ALYREF: variants seen among roughly 807,000 people sequenced by gnomAD.
ALYREF encodes THO complex subunit 4.
In ALYREF, 1 loss-of-function variant was observed where a neutral mutation model predicts 25.2. That is an observed-to-expected ratio of 0.04 (90% CI 0.01 to 0.19). The LOEUF is 0.19. Ranked by LOEUF, ALYREF falls within the 10% of genes least tolerant of loss-of-function variation. The probability of loss-of-function intolerance (pLI) is 1.00; values close to 1 mark genes in which losing one functional copy is unlikely to be tolerated. For missense variants in ALYREF, 328 were observed against 375.6 expected, an observed-to-expected ratio of 0.87 and a Z score of 1.05; for synonymous variants, 193 against 153.5, an observed-to-expected ratio of 1.26 and a Z score of -1.90.
Position 81,888,186 on chromosome 17 carries a change from C to T in ALYREF, c.781-41G>A, listed in dbSNP as rs200225493. On this transcript the variant is annotated intron_variant, in intron 5 of 5. Coordinates refer to ENST00000505490, the MANE Select transcript of ALYREF (RefSeq NM_005782.4). This position sits in a 1 kb window ranked among gnomAD's most constrained non-coding sequence, Gnocchi z 5.8. ...GAAAGAGGCTTGCATTCACAGGCGG[C>T]CTGCTCCCCACTGCGGCTTTGACCA... The T allele has an allele frequency of 1.2e-5, 19 of 1,614,102 alleles. No individual in the cohort carries two copies. The highest frequency in any genetic ancestry group is 5.3e-5 in the African/African-American group (4 of 75,044).
At chr17:81,889,480 C>A in intron 2 of ALYREF, 151 bp from the exon 3 acceptor site, 1 of 855,864 alleles carries the variant, frequency 1.2e-6, no homozygotes, top group Non-Finnish European at 1.8e-6. Context: ...AAGGGCGGGG[C>A]AGGAGGGACA....
In ALYREF at chr17:81,888,887, C is replaced by G. The variant is rs919509602; in HGVS notation, c.538+295G>C. The G allele has an allele frequency of 1.4e-6, 2 of 1,405,986 alleles. No individual in the cohort carries two copies. The highest frequency in any genetic ancestry group is 1.4e-5 in the African/African-American group (1 of 69,228). 87.1% of individuals were successfully genotyped at this position (1,405,986 alleles called of 1,614,324 possible). A position where few individuals can be genotyped will look rare whatever the true frequency, so the allele number is the denominator to read the frequency against. On this transcript the variant is annotated intron_variant, in intron 3 of 5. Coordinates refer to ENST00000505490, the MANE Select transcript of ALYREF (RefSeq NM_005782.4). This position sits in a 1 kb window ranked among gnomAD's most constrained non-coding sequence, Gnocchi z 5.8. ...AGAAGAACCGGTACCTTTGTCTTTA[C>G]GACTACAGCCCCGCACTCAGAGGTG...
rs1474359925 is a variant in ALYREF at position 81,888,183 on chromosome 17, C to A, written c.781-38G>T. The A allele has an allele frequency of 6.2e-7, 1 of 1,614,076 alleles. No individual in the cohort carries two copies. Among genetic ancestry groups the A allele is most frequent in the Non-Finnish European group, 8.5e-7 (1 of 1,180,014 alleles). ...GGAGAAAGAGGCTTGCATTCACAGG[C>A]GGCCTGCTCCCCACTGCGGCTTTGA... On this transcript the variant is annotated intron_variant, in intron 5 of 5. Transcript: ENST00000505490. The surrounding 1 kb of genome is among the most constrained non-coding windows in gnomAD (Gnocchi z 5.8).
At chr17:81,889,576 C>G (rs1598290946) in intron 2 of ALYREF, among the ~76,000 whole-genome samples, 1 of 152,344 alleles carries the variant, frequency 6.6e-6, no homozygotes, top group Admixed American at 6.5e-5. Flanking sequence ...GAGGAAGCTG[C>G]AAAGCCCACT....
rs868783531 is a variant in ALYREF at position 81,891,010 on chromosome 17, C to T, written c.259-190G>A. ...GCACGGTCCCACCGCGGCCGCACAA[C>T]TTCAGTTCCCTTAGACTAACTTCCC... On this transcript the variant is annotated intron_variant, in intron 1 of 5. Transcript: ENST00000505490. The T allele has an allele frequency of 7.1e-6, 6 of 849,196 alleles. No homozygotes were observed. In the South Asian group the frequency reaches 8.8e-5, roughly 13 times the overall value. 52.6% of individuals were successfully genotyped at this position (849,196 alleles called of 1,614,324 possible). A position where few individuals can be genotyped will look rare whatever the true frequency, so the allele number is the denominator to read the frequency against.
At chr17:81,890,490 C>G (rs974423125) in intron 2 of ALYREF, among the ~76,000 whole-genome samples, 199 bp downstream of exon 2, 3 of 152,220 alleles carry the variant, frequency 2.0e-5, no homozygotes, top group African/African-American at 7.2e-5. Context: ...CTAACAGCAG[C>G]AGTTCCTCAG....
At chr17:81,889,020 G>C (rs746128568) in intron 3 of ALYREF, 162 bp downstream of exon 3, 50 of 1,451,546 alleles carry the variant, frequency 3.4e-5, no homozygotes, top group African/African-American at 4.3e-5. Flanking sequence ...GGTTGGTCCA[G>C]ATGTGTGGGG....
chr17:81,891,253 G>A (rs2039522161), intron 1 of ALYREF, 70 bp downstream of exon 1: 1 of 1,043,280 alleles, frequency 9.6e-7, no homozygotes, highest in East Asian at 8.0e-5. Context: ...GGTCTCCGCC[G>A]CGAGCGGCCC....
Position 81,889,320 on chromosome 17 carries a change from C to T in ALYREF, c.400G>A (p.Ala134Thr). 6.2e-7 allele frequency: 1 copy of T among 1,614,012 alleles called. No homozygotes were observed. Among genetic ancestry groups the T allele is most frequent in the South Asian group, 1.1e-5 (1 of 91,080 alleles). The change falls in exon 3 of 6, where the codon GCT becomes ACT. Residue 134 changes from alanine (A) to threonine (T), a missense_variant. Around this residue, in one of 3 missense-constraint regions of ALYREF, gnomAD observed 70 missense variants for 129.9 expected, o/e 0.54. Coordinates refer to ENST00000505490, the MANE Select transcript of ALYREF (RefSeq NM_005782.4). ...GCCTTCTTCAGCGTTCCAAATTCAGCAAAGAGTTCCTGGGAGTTGCAGAGA... is the reference window on the plus strand; with the variant it reads ...GCCTTCTTCAGCGTTCCAAATTCAGTAAAGAGTTCCTGGGAGTTGCAGAGA... ...VSDADIQELF[A>T]EFGTLKKAAV...
rs1302765190 is a variant in ALYREF at position 81,888,339 on chromosome 17, CGCGGGTGCCTCT to C, written c.670_681del (p.Arg224_Arg227del). On this transcript the variant is annotated inframe_deletion, in exon 5 of 6. Transcript: ENST00000505490. The surrounding 1 kb of genome is among the most constrained non-coding windows in gnomAD (Gnocchi z 5.8). The stretch of plus-strand genomic sequence containing the variant: ...CCTCTGCCTCTTCCACGGGCGCCTC[CGCGGGTGCCTCT>C]CCGGGTGCCTCCACCACCACCAAAA... 3 of 1,605,172 alleles carry C rather than the reference CGCGGGTGCCTCT, an allele frequency of 1.9e-6. No homozygotes were observed. The highest frequency in any genetic ancestry group is 2.7e-5 in the African/African-American group (2 of 74,910).
chr17:81,888,292 C>G lies in ALYREF; in HGVS notation c.729G>C (p.Gln243His). ...CATCCAGCTCCTCTGCCGAAAGCTGCTGCTTTGAATTCCTGCCGGCACCTC... is the reference window on the plus strand; with the variant it reads ...CATCCAGCTCCTCTGCCGAAAGCTGGTGCTTTGAATTCCTGCCGGCACCTC... ...RGRGAGRNSK[Q>H]QLSAEELDAQ... Residue 243 changes from glutamine (Q) to histidine (H), a missense_variant, in exon 5 of 6, where the codon CAG becomes CAC. Physicochemically the swap from Gln to His is conservative, Grantham distance 24 (BLOSUM62 0). Transcript: ENST00000505490. This position sits in a 1 kb window ranked among gnomAD's most constrained non-coding sequence, Gnocchi z 5.8. 1 of 1,608,844 alleles carries G rather than the reference C, an allele frequency of 6.2e-7. No individual in the cohort carries two copies. Among genetic ancestry groups the G allele is most frequent in the East Asian group, 2.2e-5 (1 of 44,856 alleles).
Position 81,888,690 on chromosome 17 carries a change from C to G in ALYREF, c.539-107G>C, listed in dbSNP as rs1477242009. 2 of 1,515,726 alleles carry G rather than the reference C, an allele frequency of 1.3e-6. No individual in the cohort carries two copies. Among genetic ancestry groups the G allele is most frequent in the Non-Finnish European group, 1.8e-6 (2 of 1,124,452 alleles). The allele number at this position is 1,515,726 out of a possible 1,614,324, so 93.9% of individuals were successfully genotyped here. ...GCAAACACTGGAAAGGGCCTCTGTG[C>G]GTCTCAAATGCCCCCGACAAGGGAA... On this transcript the variant is annotated intron_variant, in intron 3 of 5. Transcript: ENST00000505490. The surrounding 1 kb of genome is among the most constrained non-coding windows in gnomAD (Gnocchi z 5.8).
chr17:81,890,823 G>GA lies in ALYREF; in HGVS notation c.259-4dup, dbSNP rs751288400. 3.7e-4 allele frequency: 573 copies of GA among 1,564,274 alleles called. No individual in the cohort carries two copies. Among genetic ancestry groups the GA allele is most frequent in the African/African-American group, 6.8e-4 (50 of 73,018 alleles). ...CACTTGTCGGGAAGTTGTTTTGGCT[G>GA]AAAAAAAAACCGCAACAAGAGCAGA... On this transcript the variant is annotated splice_region_variant and splice_polypyrimidine_tract_variant and intron_variant, in intron 1 of 5. Coordinates refer to ENST00000505490, the MANE Select transcript of ALYREF (RefSeq NM_005782.4).
At chr17:81,890,250 A>G (rs1356329129) in intron 2 of ALYREF, among the ~76,000 whole-genome samples, 1 of 152,162 alleles carries the variant, frequency 6.6e-6, no homozygotes, top group East Asian at 1.9e-4. Flanking sequence ...AGGTCTTTAT[A>G]AGACAGTACT....
In ALYREF at chr17:81,889,442, C is replaced by T. The variant is rs370355006; in HGVS notation, c.391-113G>A. ...GCTTTGGGGGTGGTTCTCTGGGAGG[C>T]AGGACAGTGGTTAACGGGAAATGAG... On this transcript the variant is annotated intron_variant, in intron 2 of 5. Coordinates refer to ENST00000505490, the MANE Select transcript of ALYREF (RefSeq NM_005782.4). 971 of 1,250,090 alleles carry T rather than the reference C, an allele frequency of 7.8e-4. 1 individual carries two copies. The highest frequency in any genetic ancestry group is 1.5e-3 in the Middle Eastern group (7 of 4,528). The allele number at this position is 1,250,090 out of a possible 1,614,324, so 77.4% of individuals were successfully genotyped here.
Position 81,888,632 on chromosome 17 carries a change from C to T in ALYREF, c.539-49G>A, listed in dbSNP as rs1288072091. The T allele has an allele frequency of 1.9e-6, 3 of 1,557,146 alleles. No homozygotes were observed. Among genetic ancestry groups the T allele is most frequent in the Non-Finnish European group, 2.6e-6 (3 of 1,148,518 alleles). The stretch of plus-strand genomic sequence containing the variant: ...CACGTTCTATTGAGAGGCTCTGAAA[C>T]CCACCCAGCTGGCGCCACACCCTGG... On this transcript the variant is annotated intron_variant, in intron 3 of 5. Transcript: ENST00000505490. The surrounding 1 kb of genome is among the most constrained non-coding windows in gnomAD (Gnocchi z 5.8).
At chr17:81,889,634 T>G (rs1245342710) in intron 2 of ALYREF, 1 of 361,184 alleles carries the variant, frequency 2.8e-6, no homozygotes, top group Non-Finnish European at 5.3e-6. Context: ...CAAAGGAAAA[T>G]GTACAACACA....
Position 81,888,247 on chromosome 17 carries a change from A to T in ALYREF, c.774T>A (p.Asn258Lys). 6.2e-7 allele frequency: 1 copy of T among 1,612,458 alleles called. No individual in the cohort carries two copies. The change falls in exon 5 of 6, where the codon AAT becomes AAA. Residue 258 changes from asparagine (N) to lysine (K), a missense_variant. Transcript: ENST00000505490. This position sits in a 1 kb window ranked among gnomAD's most constrained non-coding sequence, Gnocchi z 5.8. Reference protein sequence around the residue: ...EELDAQLDAYNARMDTS With the variant: ...EELDAQLDAYKARMDTS ...TGGCTCCCCCGGGACTCACTCTCGC[A>T]TTATAGGCGTCCAGCTGGGCATCCA... is the stretch of plus-strand genomic sequence containing the variant.
intron 2 of ALYREF, 106 bp downstream of exon 2, chr17:81,890,582 GA>G: frequency 6.6e-7 from 1 of 1,504,272 alleles, no homozygotes; most frequent in Admixed American, 1.9e-5. Flanking sequence ...TCAGAGCTGG[GA>G]GGGCTCCCTT....
Sources: gnomAD v4.1 joint callset for allele counts (sites outside exome capture counted in the v4.1 genomes callset) on GRCh38, gnomAD v4.1.1 for gene constraint, gnomAD v4.1.1 regional missense constraint, Gnocchi (gnomAD v3.1) non-coding constraint, MANE v1.5 for transcripts, NCBI Gene and HGNC (gene_info 2026-07-23, HGNC 2026-07-21) for gene names.